IFT122: variants seen among roughly 807,000 people sequenced by gnomAD.
The protein encoded by IFT122 is intraflagellar transport 122.
A neutral mutation model predicts 161.6 loss-of-function variants in IFT122; 118 were observed. That is an observed-to-expected ratio of 0.73 (90% CI 0.63 to 0.85). IFT122 has a LOEUF of 0.85. Among genes scored for constraint, IFT122 ranks in the 40% least tolerant of loss-of-function variants. The pLI is 0.00. For synonymous variants in IFT122, 550 were observed against 602.4 expected (o/e 0.91, Z 1.27); for missense variants, 1,381 against 1,579.6 (o/e 0.87, Z 2.13).
rs2081345304 is a variant in IFT122, at chr3:129,500,044, G to T, written c.2351G>T (p.Cys784Phe). 2 of 1,614,098 alleles carry T rather than the reference G, an allele frequency of 1.2e-6. No homozygotes were observed. The highest frequency in any genetic ancestry group is 1.7e-5 in the Admixed American group (1 of 60,006). The change falls in exon 19 of 30, where the codon TGT becomes TTT. Residue 784 changes from cysteine to phenylalanine, a missense_variant. Physicochemically the swap from Cys to Phe is radical, Grantham distance 205. Coordinates refer to ENST00000348417, the MANE Select transcript of IFT122 (RefSeq NM_052989.3). ...AGEHVKAIEICGDHGWVDMLI... is the reference protein window; with the variant it reads ...AGEHVKAIEIFGDHGWVDMLI... ...GAGCACGTCAAGGCCATCGAGATCT[G>T]TGGTGACCATGGCTGGGTTGACATG...
intron 9 of IFT122, among the ~76,000 whole-genome samples, chr3:129,470,663 C>T (rs888431023): frequency 8.6e-5 from 13 of 151,204 alleles, no homozygotes; most frequent in African/African-American, 2.4e-4. Context: ...CTCTGCCTCA[C>T]GGGTTCAAGA....
intron 18 of IFT122, among the ~76,000 whole-genome samples, chr3:129,496,840 G>T (rs1397533795): frequency 1.3e-5 from 2 of 152,130 alleles, no homozygotes; most frequent in East Asian, 3.9e-4. Flanking sequence ...TTCATACTGA[G>T]ATCACCAGAG....
At chr3:129,500,140 G>A in intron 19 of IFT122, 72 bp downstream of exon 19, 1 of 1,525,994 alleles carries the variant, frequency 6.6e-7, no homozygotes, top group South Asian at 1.1e-5. Flanking sequence ...ACTGACAAGG[G>A]AACCAATAGT....
At chr3:129,514,867 C>G (rs1213220748) in intron 25 of IFT122, 1 of 495,026 alleles carries the variant, frequency 2.0e-6, no homozygotes, top group Non-Finnish European at 3.7e-6. Context: ...GCCTTTACCC[C>G]AGGCCTGGCC....
intron 28 of IFT122, 150 bp downstream of exon 28, chr3:129,519,336 G>T: frequency 1.0e-6 from 1 of 960,862 alleles, no homozygotes. Context: ...ACCCCTTCCT[G>T]TGGGGTGTGG....
chr3:129,516,754 C>CAG (rs202210457), intron 26 of IFT122, among the ~76,000 whole-genome samples: 1 of 118,490 alleles, frequency 8.4e-6, no homozygotes, highest in African/African-American at 3.3e-5. Flanking sequence ...CACACACACA[C>CAG]AGACTGCCCC....
At chr3:129,489,658 T>G (rs1311131230) in intron 16 of IFT122, among the ~76,000 whole-genome samples, 1 of 151,590 alleles carries the variant, frequency 6.6e-6, no homozygotes, top group Non-Finnish European at 1.5e-5. Flanking sequence ...GCTAACACGG[T>G]GAAACCCCGT....
chr3:129,478,771 A>G (rs1559914584), intron 12 of IFT122, among the ~76,000 whole-genome samples: 4 of 152,242 alleles, frequency 2.6e-5, no homozygotes. Flanking sequence ...CTATTGCAGA[A>G]CATCTTGTCA....
intron 1 of IFT122, among the ~76,000 whole-genome samples, chr3:129,448,247 C>T (rs72986991): frequency 1.9e-4 from 29 of 152,192 alleles, no homozygotes; most frequent in African/African-American, 5.1e-4. Flanking sequence ...AGTGAGGTTA[C>T]GAGTAGAAGT....
rs183789713 is a variant in IFT122 at position 129,468,338 on chromosome 3, G to A, written c.741-1004G>A. ...GATTAAGACCCAGCCTCAAGGGCTA[G>A]GAATGCTTTTCTTTTTTTTTTTTGT... is the stretch of plus-strand genomic sequence containing the variant. On this transcript the variant is annotated intron_variant, in intron 8 of 29. Coordinates refer to ENST00000348417, the MANE Select transcript of IFT122 (RefSeq NM_052989.3). 5.8e-3 allele frequency among the ~76,000 whole-genome samples: 885 copies of A among 152,236 alleles called. 19 individuals are homozygous for A. The highest frequency in any genetic ancestry group is 3.4e-3 in the Non-Finnish European group (230 of 68,002).
intron 3 of IFT122, among the ~76,000 whole-genome samples, chr3:129,453,741 C>T (rs2075128785): frequency 6.6e-6 from 1 of 152,132 alleles, no homozygotes; most frequent in South Asian, 2.1e-4. Context: ...AGGATTGTTA[C>T]AGTTGGGGTA....
At chr3:129,445,954 A>G (rs2073938320) in intron 1 of IFT122, among the ~76,000 whole-genome samples, 1 of 152,200 alleles carries the variant, frequency 6.6e-6, no homozygotes, top group African/African-American at 2.4e-5. Flanking sequence ...AGGCCCCCCA[A>G]CCATCTGAAT....
At chr3:129,472,616 G>T (rs967375287) in intron 9 of IFT122, among the ~76,000 whole-genome samples, 3 of 152,112 alleles carry the variant, frequency 2.0e-5, no homozygotes, top group African/African-American at 7.2e-5. Context: ...ATATCGTTCT[G>T]TCTTTCACCA....
intron 3 of IFT122, among the ~76,000 whole-genome samples, chr3:129,453,839 G>A (rs1006878028): frequency 1.3e-5 from 2 of 148,656 alleles, no homozygotes; most frequent in African/African-American, 5.1e-5. Flanking sequence ...CCACAGCATA[G>A]GATTAGTGGG....
At position 129,495,553 on chromosome 3, in the gene IFT122, C is replaced by T. The variant is rs116819033; in HGVS notation, c.2154C>T (p.His718=). Reference sequence around the variant, plus strand: ...CCAAACTGTACAAGAGGAGTGGGCACGAGAACCTCGCGCTTGAAATGTACA... The same window carrying T: ...CCAAACTGTACAAGAGGAGTGGGCATGAGAACCTCGCGCTTGAAATGTACA... The part of the protein sequence containing the change: ...EAAKLYKRSG[H]ENLALEMYTD... The change falls in exon 18 of 30, where the codon CAC becomes CAT. Residue 718 remains histidine (H), a synonymous_variant. Transcript: ENST00000348417. The T allele has an allele frequency of 2.2e-3, 3,596 of 1,614,126 alleles. 60 individuals carry two copies. The African/African-American group carries it at 0.038, about 17-fold the overall frequency.
intron 29 of IFT122, among the ~76,000 whole-genome samples, 163 bp downstream of exon 29, chr3:129,519,895 A>G (rs1211402070): frequency 1.3e-5 from 2 of 152,088 alleles, no homozygotes; most frequent in Non-Finnish European, 2.9e-5. Context: ...TTCCATGTGC[A>G]TCTAAAGTGG....
chr3:129,468,714 C>G (rs1221260725), intron 8 of IFT122, among the ~76,000 whole-genome samples: 1 of 152,236 alleles, frequency 6.6e-6, no homozygotes, highest in African/African-American at 2.4e-5. Flanking sequence ...CTCCTGTGTG[C>G]TGGTCCTACA....
At chr3:129,461,067 T>C (rs2076166057) in intron 4 of IFT122, 161 bp from the exon 5 acceptor site, 15 of 934,234 alleles carry the variant, frequency 1.6e-5, no homozygotes, top group South Asian at 1.5e-4. Context: ...ATTAATTCTT[T>C]AGGAGTAGGA....
chr3:129,513,756 G>C, intron 24 of IFT122: 1 of 190,984 alleles, frequency 5.2e-6, no homozygotes, highest in Non-Finnish European at 1.1e-5. Flanking sequence ...GGCGGGAGCA[G>C]GAACACTGGG....
Sources: gnomAD v4.1 joint callset for allele counts (sites outside exome capture counted in the v4.1 genomes callset) on GRCh38, gnomAD v4.1.1 for gene constraint, MANE v1.5 for transcripts, NCBI Gene and HGNC (gene_info 2026-07-23, HGNC 2026-07-21) for gene names.